Variants in TMEM185A observed in about 807,000 individuals in gnomAD.
TMEM185A encodes family with sequence similarity 11, member A.
In TMEM185A, 9 loss-of-function variants were observed where a neutral mutation model predicts 25.0. That is an observed-to-expected ratio of 0.36 (90% CI 0.22 to 0.63). The LOEUF (loss-of-function observed/expected upper bound fraction) is 0.63. Among genes scored for constraint, TMEM185A ranks in the 20% least tolerant of loss-of-function variants. The pLI, the probability that TMEM185A is intolerant of heterozygous loss-of-function variation, is 0.68. For missense variants in TMEM185A, 103 were observed against 237.4 expected (o/e 0.43, Z 3.72); for synonymous variants, 45 against 93.5 (o/e 0.48, Z 2.99).
chrX:149,618,815 C>T (rs2090124386), intron 1 of TMEM185A, among the ~76,000 whole-genome samples: 1 of 111,866 alleles, frequency 8.9e-6, no homozygotes, highest in Non-Finnish European at 1.9e-5. Flanking sequence ...AGTAGCGACA[C>T]TGTTTCTACA....
chrX:149,606,448 C>G (rs59624048), intron 3 of TMEM185A, among the ~76,000 whole-genome samples: 2,227 of 113,056 alleles, frequency 0.02, 48 homozygotes, highest in African/African-American at 0.068. Flanking sequence ...GCCTGGGGCA[C>G]TTCAGCACAT....
intron 1 of TMEM185A, among the ~76,000 whole-genome samples, chrX:149,629,320 A>G (rs1490564011): frequency 9.0e-6 from 1 of 111,596 alleles, no homozygotes; most frequent in Non-Finnish European, 1.9e-5. Flanking sequence ...AAGCAGTAGC[A>G]TCAAGGTTTG....
chrX:149,602,600 C>T (rs1022854061), intron 4 of TMEM185A, among the ~76,000 whole-genome samples: 12 of 112,574 alleles, frequency 1.1e-4, no homozygotes, highest in Admixed American at 2.8e-4. Flanking sequence ...TGTACTCAGA[C>T]TGCTTCATCA....
At chrX:149,623,666 A>G (rs782126544) in intron 1 of TMEM185A, among the ~76,000 whole-genome samples, 1 of 111,592 alleles carries the variant, frequency 9.0e-6, no homozygotes, top group South Asian at 3.7e-4. Context: ...TGAGTTTCTA[A>G]GAAATTTGGG....
At position 149,608,738 on chromosome X, in the gene TMEM185A, T is replaced by A. The variant is rs1557354008; in HGVS notation, c.312A>T (p.Arg104Ser). Reference sequence around the variant, plus strand: ...GCCAGAAATGGCTTCCTCTCTCGATTCTGTCACAGACCAGAACTTCAAACA... The same window carrying A: ...GCCAGAAATGGCTTCCTCTCTCGATACTGTCACAGACCAGAACTTCAAACA... ...LLMFEVLVCD[R>S]IERGSHFWLL... The change falls in exon 3 of 7, where the codon AGA becomes AGT. Residue 104 changes from arginine to serine, a missense_variant. Coordinates refer to ENST00000600449, the MANE Select transcript of TMEM185A (RefSeq NM_032508.4). 2 of 1,211,846 alleles carry A rather than the reference T, an allele frequency of 1.7e-6. No individual in the cohort carries two copies. Among genetic ancestry groups the A allele is most frequent in the Admixed American group, 4.3e-5 (2 of 46,065 alleles).
chrX:149,621,036 G>C (rs1193694505), intron 1 of TMEM185A, among the ~76,000 whole-genome samples: 1 of 112,030 alleles, frequency 8.9e-6, no homozygotes, highest in Non-Finnish European at 1.9e-5. Flanking sequence ...AAAGCCTGTG[G>C]CTACAAATAT....
chrX:149,615,431 T>C (rs937993016), intron 1 of TMEM185A, among the ~76,000 whole-genome samples: 2 of 111,702 alleles, frequency 1.8e-5, no homozygotes. Context: ...CTATTCAACA[T>C]TGTACTAAAG....
chrX:149,627,751 C>T (rs782033671), intron 1 of TMEM185A, among the ~76,000 whole-genome samples: 21 of 112,307 alleles, frequency 1.9e-4, no homozygotes, highest in Non-Finnish European at 3.2e-4. Flanking sequence ...CTGCTTCTTC[C>T]ACTAGGCTTA....
chrX:149,612,407 G>T (rs1430819088), intron 1 of TMEM185A, among the ~76,000 whole-genome samples: 2 of 111,920 alleles, frequency 1.8e-5, no homozygotes, highest in Non-Finnish European at 3.8e-5. Flanking sequence ...TGATCAGATT[G>T]GATAAGTAAG....
At chrX:149,630,826 A>G (rs1288383273) in intron 1 of TMEM185A, among the ~76,000 whole-genome samples, 1 of 111,634 alleles carries the variant, frequency 9.0e-6, no homozygotes, top group Non-Finnish European at 1.9e-5. Context: ...GTGCAAGGAC[A>G]GGCGCTTGAG....
In TMEM185A at chrX:149,611,324, C is replaced by A; in HGVS notation, c.178G>T (p.Val60Phe). 8.3e-7 allele frequency: 1 copy of A among 1,210,543 alleles called. No individual in the cohort carries two copies. Among genetic ancestry groups the A allele is most frequent in the Non-Finnish European group, 1.1e-6 (1 of 895,169 alleles). Residue 60 changes from valine (V) to phenylalanine (F), a missense_variant, in exon 2 of 7, where the codon GTT becomes TTT. This residue lies in a region of TMEM185A where 102 missense variants were observed against 125.7 expected (regional missense o/e 0.81). Coordinates refer to ENST00000600449, the MANE Select transcript of TMEM185A (RefSeq NM_032508.4). ...TTTCGTGCCCAGACTCCAGTTCCAA[C>A]TGAGGCTCCAACAATGACCATTAAC... ...WKLMVIVGAS[V>F]GTGVWARNPQ... is the part of the protein sequence containing the mutation.
At chrX:149,606,717 G>C (rs909990563) in intron 3 of TMEM185A, 3 of 112,447 alleles carry the variant, frequency 2.7e-5, no homozygotes, top group East Asian at 2.8e-4. Context: ...GCCTACTCCA[G>C]ACCACCCCCT....
intron 1 of TMEM185A, among the ~76,000 whole-genome samples, chrX:149,624,702 G>A (rs988510521): frequency 8.9e-6 from 1 of 111,855 alleles, no homozygotes; most frequent in Non-Finnish European, 1.9e-5. Flanking sequence ...CAAATTTAAA[G>A]TCTTTTAGTG....
chrX:149,629,815 T>A (rs1359016163), intron 1 of TMEM185A, among the ~76,000 whole-genome samples: 1 of 112,182 alleles, frequency 8.9e-6, no homozygotes, highest in East Asian at 2.8e-4. Context: ...TTTGATCACT[T>A]AAGGCAGTTT....
At chrX:149,625,808 T>C (rs2090160389) in intron 1 of TMEM185A, among the ~76,000 whole-genome samples, 1 of 112,711 alleles carries the variant, frequency 8.9e-6, no homozygotes, top group African/African-American at 3.2e-5. Context: ...AATAGGTGTA[T>C]ACATTCTCTT....
intron 3 of TMEM185A, chrX:149,605,290 TCTATGGCCTCCCATGTCA>T (rs1422420297): frequency 0.11 from 9,809 of 88,036 alleles, 1,024 homozygotes; most frequent in African/African-American, 0.23. Context: ...CATGTCACTT[TCTATGGCCTCCCATGTCA>T]CTATGGCCTC....
At chrX:149,615,953 G>C (rs1292971935) in intron 1 of TMEM185A, among the ~76,000 whole-genome samples, 9 of 112,007 alleles carry the variant, frequency 8.0e-5, no homozygotes, top group African/African-American at 2.9e-4. Context: ...GTTCTGGCGA[G>C]GGCTGCCTTC....
chrX:149,604,684 C>T (rs1468263738), intron 3 of TMEM185A, among the ~76,000 whole-genome samples: 4 of 111,521 alleles, frequency 3.6e-5, no homozygotes, highest in African/African-American at 1.3e-4. Flanking sequence ...CTCTGCGAGA[C>T]AGTAATGAAT....
intron 1 of TMEM185A, among the ~76,000 whole-genome samples, 167 bp from the exon 2 acceptor site, chrX:149,611,630 G>GA (rs1284867488): frequency 8.9e-6 from 1 of 112,253 alleles, no homozygotes; most frequent in Non-Finnish European, 1.9e-5. Flanking sequence ...GGGAATAAAA[G>GA]AAACATAAAG....
Sources: allele counts gnomAD v4.1 joint callset (sites outside exome capture counted in the v4.1 genomes callset), GRCh38; gene constraint gnomAD v4.1.1; regional missense constraint gnomAD v4.1.1; transcripts MANE v1.5; gene names NCBI Gene and HGNC (gene_info 2026-07-23, HGNC 2026-07-21).